JPH3: variants seen among roughly 807,000 people sequenced by gnomAD.
JPH3 encodes the protein junctophilin 3, also known as junctophilin-3.
A neutral mutation model predicts 59.6 loss-of-function variants in JPH3; 11 were observed. The observed-to-expected ratio is 0.18, with a 90% confidence interval of 0.12 to 0.31. The LOEUF is 0.31. JPH3 is among the 10% of genes least tolerant of loss of function. The pLI is 1.00. For missense variants in JPH3, 1,202 were observed against 1,105.7 expected (o/e 1.09, Z -1.24); for synonymous variants, 673 against 483.6 (o/e 1.39, Z -5.14).
intron 1 of JPH3, among the ~76,000 whole-genome samples, chr16:87,617,392 A>C: frequency 7.2e-6 from 1 of 139,408 alleles, no homozygotes; most frequent in Admixed American, 6.9e-5. Context: ...AGCTGCTGCC[A>C]ACTCTCAGGT....
intron 1 of JPH3, among the ~76,000 whole-genome samples, chr16:87,624,898 C>CT (rs2031314299): frequency 6.6e-6 from 1 of 152,206 alleles, no homozygotes; most frequent in Non-Finnish European, 1.5e-5. Context: ...CTCTCGGGTT[C>CT]AAGGGATTCT....
At position 87,697,074 on chromosome 16, in the gene JPH3, C is replaced by T. The variant is rs1358280095; in HGVS notation, c.*414C>T. The T allele has an allele frequency of 3.4e-5, 9 of 265,076 alleles. No homozygotes were observed. The highest frequency in any genetic ancestry group is 5.2e-5 in the Non-Finnish European group (7 of 135,104). 16.4% of individuals were successfully genotyped at this position (265,076 alleles called of 1,614,324 possible). A position where few individuals can be genotyped will look rare whatever the true frequency, so the allele number is the denominator to read the frequency against. ...GCCCCTGAGTGGCAGGGCTGACTCC[C>T]GTCGACACGAGCTTAGAAAGTGGAT... On this transcript the variant is annotated 3_prime_UTR_variant, in exon 5 of 5. Coordinates refer to ENST00000284262, the MANE Select transcript of JPH3 (RefSeq NM_020655.4).
At chr16:87,633,480 ACC>A in intron 1 of JPH3, among the ~76,000 whole-genome samples, 1 of 147,262 alleles carries the variant, frequency 6.8e-6, no homozygotes, top group African/African-American at 2.7e-5. Flanking sequence ...ACTAAGATTA[ACC>A]AAAAAAAAAA....
Position 87,697,296 on chromosome 16 carries a change from C to A in JPH3, c.*636C>A, listed in dbSNP as rs563995910. On this transcript the variant is annotated 3_prime_UTR_variant, in exon 5 of 5. Transcript: ENST00000284262. ...GTCCTTCCCTCTTCTCGGCACTGCC[C>A]CCGGCCTTCCATGAGAAGCCGACTC... The A allele has an allele frequency of 6.5e-6, 1 of 152,806 alleles. No individual in the cohort carries two copies. Among genetic ancestry groups the A allele is most frequent in the East Asian group, 1.9e-4 (1 of 5,194 alleles). The allele number at this position is 152,806 out of a possible 1,614,324, so 9.5% of individuals were successfully genotyped here.
chr16:87,631,780 C>G lies in JPH3; in HGVS notation c.383-12478C>G, dbSNP rs140096057. ...CCTACCTCTTTTTTTGATCTAGTTT[C>G]TGAAAGATTTTCTTGATTTTTATCT... On this transcript the variant is annotated intron_variant, in intron 1 of 4. Transcript: ENST00000284262. 2.3e-3 allele frequency among the ~76,000 whole-genome samples: 356 copies of G among 152,172 alleles called. 3 individuals are homozygous for G. The highest frequency in any genetic ancestry group is 8.3e-3 in the African/African-American group (346 of 41,520).
chr16:87,648,769 G>A (rs1435605815), intron 2 of JPH3, among the ~76,000 whole-genome samples: 2 of 152,200 alleles, frequency 1.3e-5, no homozygotes, highest in Non-Finnish European at 2.9e-5. Context: ...TTTGGGATGC[G>A]CCCAGTGTTC....
At chr16:87,646,605 G>A (rs187710145) in intron 2 of JPH3, among the ~76,000 whole-genome samples, 29 of 152,350 alleles carry the variant, frequency 1.9e-4, no homozygotes, top group African/African-American at 2.9e-4. Context: ...TCGGCCGAGC[G>A]CTCTCCTTGG....
At chr16:87,648,771 C>G (rs952615414) in intron 2 of JPH3, among the ~76,000 whole-genome samples, 1 of 152,178 alleles carries the variant, frequency 6.6e-6, no homozygotes, top group African/African-American at 2.4e-5. Flanking sequence ...TGGGATGCGC[C>G]CAGTGTTCGG....
intron 2 of JPH3, among the ~76,000 whole-genome samples, chr16:87,647,446 A>G (rs2032189433): frequency 6.6e-6 from 1 of 151,986 alleles, no homozygotes; most frequent in South Asian, 2.1e-4. Context: ...GCAGCTGTGA[A>G]ACTGACGGAG....
chr16:87,627,274 T>G (rs1597244444), intron 1 of JPH3, among the ~76,000 whole-genome samples: 1 of 152,116 alleles, frequency 6.6e-6, no homozygotes, highest in Non-Finnish European at 1.5e-5. Context: ...GCTGTTGGGG[T>G]GAGCTGAAAA....
rs868106361 is a variant in JPH3, at chr16:87,665,049, C to T, written c.1161-19093C>T. Among the ~76,000 whole-genome samples, 7 of 152,248 alleles carry T rather than the reference C, an allele frequency of 4.6e-5. No individual in the cohort carries two copies. The East Asian group carries it at 7.7e-4, about 17-fold the overall frequency. ...TGACAAATGGTCGGTGCTCCTTGAA[C>T]GGATAAACAGGAACCATCCGGCCCT... is the stretch of plus-strand genomic sequence containing the variant. On this transcript the variant is annotated intron_variant, in intron 2 of 4. Transcript: ENST00000284262.
chr16:87,696,139 C>T (rs1348196590), intron 4 of JPH3: 1 of 458,406 alleles, frequency 2.2e-6, no homozygotes, highest in Admixed American at 2.3e-5. Context: ...TGCTGGGCTG[C>T]ATCTGACACT....
Position 87,696,971 on chromosome 16 carries a change from C to G in JPH3, c.*311C>G. The G allele has an allele frequency of 2.7e-6, 1 of 375,196 alleles. No homozygotes were observed. Among genetic ancestry groups the G allele is most frequent in the Non-Finnish European group, 5.1e-6 (1 of 197,718 alleles). The allele number at this position is 375,196 out of a possible 1,614,324, so 23.2% of individuals were successfully genotyped here. A position where few individuals can be genotyped will look rare whatever the true frequency, so the allele number is the denominator to read the frequency against. On this transcript the variant is annotated 3_prime_UTR_variant, in exon 5 of 5. Coordinates refer to ENST00000284262, the MANE Select transcript of JPH3 (RefSeq NM_020655.4). ...GATCCCGGCACATCAGTGGTAACAG[C>G]GGACGTTGTCCTCGTGGTCACACGT...
chr16:87,617,124 G>A (rs1457418379), intron 1 of JPH3, among the ~76,000 whole-genome samples: 1 of 152,206 alleles, frequency 6.6e-6, no homozygotes, highest in Non-Finnish European at 1.5e-5. Context: ...CTCGGAGGCT[G>A]AGGCAGGAGA....
Position 87,697,955 on chromosome 16 carries a change from G to A in JPH3, c.*1295G>A, listed in dbSNP as rs1232015937. ...AGGGGTCCGGGCACGGCCATACGCA[G>A]GACCCCTGTGCCCGGGGAGGCGCTG... On this transcript the variant is annotated 3_prime_UTR_variant, in exon 5 of 5. Transcript: ENST00000284262. The A allele has an allele frequency of 1.3e-5, 2 of 152,526 alleles. No individual in the cohort carries two copies. Among genetic ancestry groups the A allele is most frequent in the African/African-American group, 4.8e-5 (2 of 41,442 alleles). The allele number at this position is 152,526 out of a possible 1,614,324, so 9.4% of individuals were successfully genotyped here. A position where few individuals can be genotyped will look rare whatever the true frequency, so the allele number is the denominator to read the frequency against.
In JPH3 at chr16:87,690,150, G is replaced by A. The variant is rs376342781; in HGVS notation, c.1790G>A (p.Gly597Asp). 2.8e-5 allele frequency: 44 copies of A among 1,597,452 alleles called. No individual in the cohort carries two copies. The Middle Eastern group carries it at 1.5e-3, about 54-fold the overall frequency. ...CGGGCCAGCAACCACAGCCCCGGAG[G>A]CTCCAGGCTGCTGGAGCTGCAGGAG... ...HHRASNHSPG[G>D]SRLLELQEEK... is the part of the protein sequence containing the mutation. Residue 597 changes from glycine to aspartate, a missense_variant, in exon 4 of 5, where the codon GGC (glycine) becomes GAC (aspartate). Transcript: ENST00000284262.
At chr16:87,695,919 C>T (rs1422053495) in intron 4 of JPH3, 6 of 455,820 alleles carry the variant, frequency 1.3e-5, no homozygotes, top group Middle Eastern at 6.5e-4. Flanking sequence ...GGGGCTCCGG[C>T]GGAGGCTGAG....
chr16:87,658,541 TTC>T (rs200604721), intron 2 of JPH3, among the ~76,000 whole-genome samples: 1 of 151,876 alleles, frequency 6.6e-6, no homozygotes, highest in East Asian at 1.9e-4. Flanking sequence ...TTGTTCCCCC[TTC>T]TCTCTCTCTC....
At chr16:87,609,925 A>G (rs961249728) in intron 1 of JPH3, among the ~76,000 whole-genome samples, 3 of 152,224 alleles carry the variant, frequency 2.0e-5, no homozygotes, top group Admixed American at 1.3e-4. Flanking sequence ...ATTGTAATAT[A>G]TAGTGAAGTA....
Sources: allele counts gnomAD v4.1 joint callset (sites outside exome capture counted in the v4.1 genomes callset), GRCh38; gene constraint gnomAD v4.1.1; transcripts MANE v1.5; gene names NCBI Gene and HGNC (gene_info 2026-07-23, HGNC 2026-07-21).